PARP6: variants seen among roughly 807,000 people sequenced by gnomAD.
The protein encoded by PARP6 is protein mono-ADP-ribosyltransferase PARP6.
In PARP6, 27 loss-of-function variants were observed where a neutral mutation model predicts 92.0. The observed-to-expected ratio is 0.29, with a 90% CI of 0.22 to 0.40. The LOEUF is 0.40. Ranked by LOEUF, PARP6 falls within the 10% of genes least tolerant of loss-of-function variation. The probability of loss-of-function intolerance (pLI) is 1.00; values close to 1 mark genes in which losing one functional copy is unlikely to be tolerated. For synonymous variants in PARP6, 272 were observed against 281.2 expected (o/e 0.97, Z 0.33); for missense variants, 501 against 784.5 (o/e 0.64, Z 4.32).
At chr15:72,266,052 A>T in intron 4 of PARP6, 61 bp from the exon 5 acceptor site, 1 of 1,122,364 alleles carries the variant, frequency 8.9e-7, no homozygotes, top group Middle Eastern at 2.0e-4. Flanking sequence ...AAAGAGAGAG[A>T]TAATAAAAAG....
intron 20 of PARP6, chr15:72,248,987 A>G (rs2083977084): frequency 3.2e-6 from 1 of 310,624 alleles, no homozygotes; most frequent in Non-Finnish European, 5.9e-6. Context: ...TGTCCCTGTT[A>G]TTCCTCCACC....
chr15:72,260,744 G>C (rs527349460), intron 9 of PARP6, 56 bp from the exon 10 acceptor site: 2 of 1,347,266 alleles, frequency 1.5e-6, no homozygotes, highest in Admixed American at 3.4e-5. Context: ...AGGATCCCTG[G>C]AGGGGACTGG....
chr15:72,265,367 A>G (rs1027605581), intron 6 of PARP6, 46 bp downstream of exon 6: 1 of 1,527,466 alleles, frequency 6.5e-7, no homozygotes, highest in Middle Eastern at 1.7e-4. Context: ...GACAAATTCC[A>G]CAAGTCCAGC....
At chr15:72,256,221 C>G (rs1014994711) in intron 14 of PARP6, among the ~76,000 whole-genome samples, 3 of 152,180 alleles carry the variant, frequency 2.0e-5, no homozygotes, top group African/African-American at 7.2e-5. Context: ...AGCAGAATCT[C>G]AAATGGAATC....
chr15:72,256,044 G>C (rs1441188286), intron 14 of PARP6, among the ~76,000 whole-genome samples: 2 of 151,842 alleles, frequency 1.3e-5, no homozygotes, highest in African/African-American at 4.8e-5. Flanking sequence ...TGATCCACCT[G>C]CCTCAGCCTC....
chr15:72,250,828 G>T lies in PARP6; in HGVS notation c.1418+17C>A. ...GCCCCCTCACCACCCCCACTGCCCA[G>T]CCCCCAGCCTCCTCACTGGAAGGCA... is the stretch of plus-strand genomic sequence containing the variant. On this transcript the variant is annotated intron_variant, in intron 18 of 23. Coordinates refer to ENST00000569795, the MANE Select transcript of PARP6 (RefSeq NM_001323532.2). 2 of 888,566 alleles carry T rather than the reference G, an allele frequency of 2.3e-6. No individual in the cohort carries two copies. The highest frequency in any genetic ancestry group is 1.8e-6 in the Non-Finnish European group (1 of 566,132). The allele number at this position is 888,566 out of a possible 1,614,324, so 55.0% of individuals were successfully genotyped here. A position where few individuals can be genotyped will look rare whatever the true frequency, so the allele number is the denominator to read the frequency against.
intron 15 of PARP6, 135 bp from the exon 16 acceptor site, chr15:72,253,639 G>A (rs2084666034): frequency 2.7e-6 from 2 of 728,334 alleles, no homozygotes; most frequent in African/African-American, 3.5e-5. Context: ...AGGAGATAGG[G>A]TTCCCACCCT....
intron 16 of PARP6, among the ~76,000 whole-genome samples, chr15:72,252,865 T>G (rs1597005630): frequency 6.6e-6 from 1 of 152,082 alleles, no homozygotes; most frequent in African/African-American, 2.4e-5. Context: ...TTGCGAAACA[T>G]GGAACACCTA....
chr15:72,242,249 G>C lies in PARP6; in HGVS notation c.1642-29C>G, dbSNP rs756698453. On this transcript the variant is annotated intron_variant, in intron 21 of 23. Transcript: ENST00000569795. This position sits in a 1 kb window ranked among gnomAD's most constrained non-coding sequence, Gnocchi z 4.3. Reference sequence around the variant, plus strand: ...GAAGAGAAGGAGGCAAAGGAGACCAGAGCCAGGTAGATGGGTACAGCTTTC... The same window carrying C: ...GAAGAGAAGGAGGCAAAGGAGACCACAGCCAGGTAGATGGGTACAGCTTTC... 4.4e-6 allele frequency: 7 copies of C among 1,584,550 alleles called. No homozygotes were observed. The African/African-American group carries it at 6.7e-5, about 15-fold the overall frequency.
chr15:72,261,472 G>C, intron 9 of PARP6, 86 bp downstream of exon 9: 2 of 1,191,136 alleles, frequency 1.7e-6, no homozygotes, highest in Non-Finnish European at 2.5e-6. Flanking sequence ...GGAAGAGAGG[G>C]GATAGAAACA....
intron 18 of PARP6, 65 bp from the exon 19 acceptor site, chr15:72,250,157 T>G (rs2084159081): frequency 9.9e-7 from 1 of 1,011,402 alleles, no homozygotes; most frequent in East Asian, 2.4e-5. Flanking sequence ...CTCCCAAGAC[T>G]GCCATTCCCA....
intron 20 of PARP6, among the ~76,000 whole-genome samples, chr15:72,246,591 A>C (rs1163594423): frequency 1.3e-5 from 2 of 152,112 alleles, no homozygotes; most frequent in African/African-American, 4.8e-5. Flanking sequence ...TTGAGTTATT[A>C]TTCTTTTGTT....
intron 2 of PARP6, among the ~76,000 whole-genome samples, chr15:72,270,386 T>C (rs1054306114): frequency 6.6e-6 from 1 of 152,132 alleles, no homozygotes; most frequent in Non-Finnish European, 1.5e-5. Flanking sequence ...CTCCCTACTT[T>C]TGTGTAAAGT....
intron 20 of PARP6, chr15:72,243,711 T>C (rs147876551): frequency 2.0e-5 from 3 of 152,350 alleles, no homozygotes; most frequent in East Asian, 1.9e-4. Flanking sequence ...AGCTTTATCA[T>C]AGGCCCAATC....
chr15:72,250,819 C>G (rs772515166), intron 18 of PARP6, 26 bp downstream of exon 18: 109 of 1,270,848 alleles, frequency 8.6e-5, no homozygotes, highest in Non-Finnish European at 1.1e-4. Context: ...TCACCACCCC[C>G]ACTGCCCAGC....
chr15:72,260,119 CAAG>C, intron 10 of PARP6, among the ~76,000 whole-genome samples: 1 of 152,240 alleles, frequency 6.6e-6, no homozygotes, highest in Non-Finnish European at 1.5e-5. Context: ...CTCAGGAGTT[CAAG>C]ACTACCCTGG....
Position 72,258,091 on chromosome 15 carries a change from C to G in PARP6, c.852G>C (p.Glu284Asp), listed in dbSNP as rs112878382. The part of the protein sequence containing the change: ...YAEQRIPTLN[E>D]YCVVCDEQHV... ...GCTGCTCATCACACACCACACAGTACTCATTCAATGTTGGAATCCTCTGTT... is the reference window on the plus strand; with the variant it reads ...GCTGCTCATCACACACCACACAGTAGTCATTCAATGTTGGAATCCTCTGTT... Residue 284 changes from glutamate (E) to aspartate (D), a missense_variant, in exon 12 of 24, where the codon GAG becomes GAC. By Grantham distance (45) the Glu-to-Asp change is conservative. Around this residue, in one of 4 missense-constraint regions of PARP6, gnomAD observed 291 missense variants for 352.0 expected, o/e 0.83. Coordinates refer to ENST00000569795, the MANE Select transcript of PARP6 (RefSeq NM_001323532.2). The G allele has an allele frequency of 3.8e-4, 618 of 1,613,950 alleles. 1 individual carries two copies. The African/African-American group carries it at 4.2e-3, about 11-fold the overall frequency.
chr15:72,261,444 TAA>T (rs1414750946), intron 9 of PARP6, 112 bp downstream of exon 9: 1 of 927,730 alleles, frequency 1.1e-6, no homozygotes, highest in Admixed American at 2.2e-5. Context: ...TGTCAGTAGT[TAA>T]AGAGACAGAA....
chr15:72,256,443 C>T (rs750983673), intron 14 of PARP6, 22 bp downstream of exon 14: 1 of 1,517,504 alleles, frequency 6.6e-7, no homozygotes, highest in Non-Finnish European at 8.8e-7. Flanking sequence ...TTCCTTAGCC[C>T]TGACTTTCTC....
Sources: gnomAD v4.1 joint callset for allele counts (sites outside exome capture counted in the v4.1 genomes callset) on GRCh38, gnomAD v4.1.1 for gene constraint, gnomAD v4.1.1 regional missense constraint, Gnocchi (gnomAD v3.1) non-coding constraint, MANE v1.5 for transcripts, NCBI Gene and HGNC (gene_info 2026-07-23, HGNC 2026-07-21) for gene names.